Variants in CSMD1 observed in about 807,000 individuals in gnomAD.
The protein encoded by CSMD1 is CUB and Sushi multiple domains 1, also known as CUB and sushi domain-containing protein 1.
A neutral mutation model predicts 417.5 loss-of-function variants in CSMD1; 213 were observed. That is an observed-to-expected ratio of 0.51 (90% CI 0.46 to 0.57). The LOEUF is 0.57. Ranked by LOEUF, CSMD1 falls within the 20% of genes least tolerant of loss-of-function variation. The pLI is 0.00. For synonymous variants in CSMD1, 2,862 were observed against 1,736.8 expected (o/e 1.65, Z -16.11); for missense variants, 6,923 against 4,529.7 (o/e 1.53, Z -15.17).
rs1218931391 is a variant in CSMD1 at position 4,815,694 on chromosome 8, CAAAAA to C, written c.86-178141_86-178137del. On this transcript the variant is annotated intron_variant, in intron 1 of 69. Coordinates refer to ENST00000635120, the MANE Select transcript of CSMD1 (RefSeq NM_033225.6). Reference sequence around the variant, plus strand: ...CTGGGCAACAAGACCAAAGCTGTCTCAAAAAAAAAAAAAAAAAAAAAAAAGAAGAG... The same window carrying C: ...CTGGGCAACAAGACCAAAGCTGTCTCAAAAAAAAAAAAAAAAAAAGAAGAG... Among the ~76,000 whole-genome samples the C allele has an allele frequency of 5.1e-3, 348 of 67,622 alleles. 3 individuals carry two copies. The highest frequency in any genetic ancestry group is 0.017 in the African/African-American group (321 of 18,736). 44.4% of individuals were successfully genotyped at this position (67,622 alleles called of 152,430 possible). A position where few individuals can be genotyped will look rare whatever the true frequency, so the allele number is the denominator to read the frequency against.
intron 5 of CSMD1, among the ~76,000 whole-genome samples, chr8:3,985,072 CTG>C (rs1393586012): frequency 1.3e-5 from 2 of 151,968 alleles, no homozygotes; most frequent in Admixed American, 1.3e-4. Context: ...TTCAAAAACA[CTG>C]TGGCTTTTAT....
intron 5 of CSMD1, among the ~76,000 whole-genome samples, chr8:3,835,501 A>T (rs953811340): frequency 5.9e-5 from 9 of 151,930 alleles, no homozygotes; most frequent in African/African-American, 7.3e-5. Context: ...TCTCACTCAT[A>T]GCTGGGAATT....
At chr8:3,350,577 TTAA>T (rs1479476885) in intron 21 of CSMD1, among the ~76,000 whole-genome samples, 3 of 152,174 alleles carry the variant, frequency 2.0e-5, no homozygotes, top group African/African-American at 7.2e-5. Flanking sequence ...CTGTTCATAA[TTAA>T]TAATAAAACT....
intron 3 of CSMD1, among the ~76,000 whole-genome samples, chr8:4,168,158 C>T (rs1055500927): frequency 3.8e-4 from 58 of 151,108 alleles, no homozygotes; most frequent in Non-Finnish European, 6.0e-4. Flanking sequence ...CACACACACA[C>T]ACACACACAC....
At chr8:4,549,106 A>G (rs888944544) in intron 2 of CSMD1, among the ~76,000 whole-genome samples, 3 of 152,180 alleles carry the variant, frequency 2.0e-5, no homozygotes, top group Non-Finnish European at 4.4e-5. Flanking sequence ...TGACTTAAGA[A>G]AAGTGGTCAT....
intron 12 of CSMD1, among the ~76,000 whole-genome samples, chr8:3,456,851 C>G (rs773353192): frequency 6.6e-6 from 1 of 152,052 alleles, no homozygotes; most frequent in Non-Finnish European, 1.5e-5. Context: ...AACTGAAACC[C>G]GAGCCCAGGT....
At chr8:3,250,820 T>C (rs913361934) in intron 26 of CSMD1, among the ~76,000 whole-genome samples, 9 of 152,346 alleles carry the variant, frequency 5.9e-5, no homozygotes, top group African/African-American at 2.2e-4. Context: ...CCAGTGATGA[T>C]GAGCATTTTT....
At chr8:4,379,680 AAGAGGGCAATGAAGCAACAATGGCGG>A (rs1802978241) in intron 3 of CSMD1, among the ~76,000 whole-genome samples, 4 of 56,390 alleles carry the variant, frequency 7.1e-5, no homozygotes, top group Non-Finnish European at 1.6e-4. Context: ...CTTACAGGGG[AAGAGGGCAATGAAGCAACAATGGCGG>A]GAAGAGGGCA....
intron 49 of CSMD1, among the ~76,000 whole-genome samples, chr8:3,082,539 A>G (rs1275327031): frequency 6.6e-6 from 1 of 152,180 alleles, no homozygotes. Context: ...CCTCCGGACT[A>G]GCAGAGCCAT....
At chr8:4,835,095 T>C (rs1400356422) in intron 1 of CSMD1, among the ~76,000 whole-genome samples, 1 of 151,274 alleles carries the variant, frequency 6.6e-6, no homozygotes, top group Non-Finnish European at 1.5e-5. Flanking sequence ...CTATAGATAT[T>C]AGAAACCTGG....
chr8:3,997,948 C>G lies in CSMD1; in HGVS notation c.773G>C (p.Gly258Ala), dbSNP rs1304738597. The change falls in exon 5 of 70, where the codon GGA (glycine) becomes GCA (alanine). Residue 258 changes from glycine (G) to alanine (A), a missense_variant. Transcript: ENST00000635120. Reference sequence around the variant, plus strand: ...GCCACTGATCTCTAAGAAATCATATCCTTCTTCTAGCTGAAAGTCAGTGAA... The same window carrying G: ...GCCACTGATCTCTAAGAAATCATATGCTTCTTCTAGCTGAAAGTCAGTGAA... ...LVFTDFQLEEGYDFLEISGTE... is the reference protein window; with the variant it reads ...LVFTDFQLEEAYDFLEISGTE... The G allele has an allele frequency of 3.1e-6, 5 of 1,612,248 alleles. No individual in the cohort carries two copies. The highest frequency in any genetic ancestry group is 2.2e-5 in the South Asian group (2 of 90,504).
At chr8:4,924,893 G>A (rs920031002) in intron 1 of CSMD1, among the ~76,000 whole-genome samples, 1 of 152,030 alleles carries the variant, frequency 6.6e-6, no homozygotes, top group Non-Finnish European at 1.5e-5. Flanking sequence ...AGACAAAACT[G>A]GGATTTGAAC....
intron 3 of CSMD1, among the ~76,000 whole-genome samples, chr8:4,050,854 G>C (rs1314699629): frequency 6.6e-6 from 1 of 152,048 alleles, no homozygotes; most frequent in African/African-American, 2.4e-5. Flanking sequence ...GAAGATTCTG[G>C]ATCTGAAAGG....
chr8:4,670,404 A>G (rs1805221565), intron 1 of CSMD1, among the ~76,000 whole-genome samples: 1 of 152,134 alleles, frequency 6.6e-6, no homozygotes, highest in South Asian at 2.1e-4. Context: ...AAGTCATGGG[A>G]AAGAAAATGT....
intron 25 of CSMD1, among the ~76,000 whole-genome samples, chr8:3,297,016 C>G (rs1038731704): frequency 1.3e-5 from 2 of 152,084 alleles, no homozygotes; most frequent in Non-Finnish European, 2.9e-5. Flanking sequence ...CTTCGAAGTT[C>G]TTAGGTGGAG....
At chr8:4,676,881 T>C (rs938467506) in intron 1 of CSMD1, among the ~76,000 whole-genome samples, 3 of 150,030 alleles carry the variant, frequency 2.0e-5, no homozygotes, top group Non-Finnish European at 4.4e-5. Flanking sequence ...ATATTTTATA[T>C]ATAGAGAGAG....
intron 1 of CSMD1, among the ~76,000 whole-genome samples, chr8:4,710,746 G>C (rs960384732): frequency 2.0e-5 from 3 of 151,776 alleles, no homozygotes; most frequent in South Asian, 2.1e-4. Context: ...TTGGGAGTCT[G>C]AGGCAGGTAA....
intron 1 of CSMD1, among the ~76,000 whole-genome samples, chr8:4,802,906 A>G (rs980244895): frequency 6.6e-6 from 1 of 152,220 alleles, no homozygotes; most frequent in Non-Finnish European, 1.5e-5. Flanking sequence ...ATCGTGTGAC[A>G]TTAACCACTG....
chr8:4,410,783 A>G (rs1443717800), intron 3 of CSMD1, among the ~76,000 whole-genome samples: 2 of 152,196 alleles, frequency 1.3e-5, no homozygotes, highest in African/African-American at 2.4e-5. Context: ...ACAACTCATG[A>G]GTTGAGACTC....
Sources: gnomAD v4.1 joint callset for allele counts (sites outside exome capture counted in the v4.1 genomes callset) on GRCh38, gnomAD v4.1.1 for gene constraint, MANE v1.5 for transcripts, NCBI Gene and HGNC (gene_info 2026-07-23, HGNC 2026-07-21) for gene names.